The following CADM1 variants were observed in gnomAD, a reference collection of about 807,000 sequenced individuals.
CADM1 encodes the protein cell adhesion molecule 1, also known as TSLC-1.
A neutral mutation model predicts 53.1 loss-of-function variants in CADM1; 15 were observed. That is an observed-to-expected ratio of 0.28 (90% CI 0.19 to 0.44). The LOEUF is 0.44. Ranked by LOEUF, CADM1 falls within the 20% of genes least tolerant of loss-of-function variation. The probability of loss-of-function intolerance (pLI) is 1.00; values close to 1 mark genes in which losing one functional copy is unlikely to be tolerated. For missense variants in CADM1, 434 were observed against 611.3 expected, an observed-to-expected ratio of 0.71 and a Z score of 3.06; for synonymous variants, 281 against 243.0, an observed-to-expected ratio of 1.16 and a Z score of -1.45.
At chr11:115,234,918 AAAAT>A (rs1396869053) in intron 3 of CADM1, among the ~76,000 whole-genome samples, 60 of 151,342 alleles carry the variant, frequency 4.0e-4, no homozygotes, top group African/African-American at 1.3e-3. Flanking sequence ...AAAAAAAAAA[AAAAT>A]TTGCCCAGTG....
At chr11:115,214,416 A>G (rs571819264) in intron 7 of CADM1, 192 bp downstream of exon 7, 2 of 616,062 alleles carry the variant, frequency 3.2e-6, no homozygotes, top group South Asian at 3.8e-5. Context: ...ACCCACCATT[A>G]GAGGGAGAGA....
At chr11:115,250,170 T>C (rs1023182069) in intron 1 of CADM1, among the ~76,000 whole-genome samples, 2 of 152,236 alleles carry the variant, frequency 1.3e-5, no homozygotes, top group African/African-American at 4.8e-5. Context: ...CGCAAAGTGC[T>C]GGGATTACAA....
chr11:115,467,908 G>T (rs566262689), intron 1 of CADM1, among the ~76,000 whole-genome samples: 3 of 152,248 alleles, frequency 2.0e-5, no homozygotes, highest in African/African-American at 7.2e-5. Flanking sequence ...TCATAAAGTT[G>T]TCTAAAGTTT....
chr11:115,350,041 G>A (rs898150641), intron 1 of CADM1, among the ~76,000 whole-genome samples: 1 of 152,042 alleles, frequency 6.6e-6, no homozygotes, highest in African/African-American at 2.4e-5. Context: ...GCATGATCTT[G>A]GCTCACTGCA....
intron 1 of CADM1, among the ~76,000 whole-genome samples, chr11:115,251,148 T>C (rs1343654978): frequency 6.6e-6 from 1 of 152,258 alleles, no homozygotes; most frequent in East Asian, 1.9e-4. Flanking sequence ...AGGAGATGTC[T>C]GTTCTGCCAA....
intron 1 of CADM1, among the ~76,000 whole-genome samples, chr11:115,304,779 TA>T (rs373941053): frequency 1.7e-3 from 252 of 152,048 alleles, no homozygotes; most frequent in African/African-American, 5.8e-3. Flanking sequence ...CAACTCAAAT[TA>T]AAAAAAGGAA....
chr11:115,249,572 A>G (rs1942523439), intron 1 of CADM1, among the ~76,000 whole-genome samples: 1 of 152,228 alleles, frequency 6.6e-6, no homozygotes, highest in Admixed American at 6.5e-5. Context: ...CTGGATTAAA[A>G]CTCAAAACAC....
intron 1 of CADM1, among the ~76,000 whole-genome samples, chr11:115,348,076 A>G (rs1945629977): frequency 6.6e-6 from 1 of 152,200 alleles, no homozygotes; most frequent in Admixed American, 6.5e-5. Flanking sequence ...CCTATTATTA[A>G]GTTCTAAGTA....
At chr11:115,455,563 TTTC>T (rs1948666346) in intron 1 of CADM1, among the ~76,000 whole-genome samples, 2 of 152,140 alleles carry the variant, frequency 1.3e-5, no homozygotes, top group Non-Finnish European at 2.9e-5. Context: ...TAGAGTCAAG[TTTC>T]TTAAGAAATT....
intron 8 of CADM1, 119 bp downstream of exon 8, chr11:115,209,455 C>T: frequency 6.7e-7 from 1 of 1,484,818 alleles, no homozygotes; most frequent in Non-Finnish European, 9.2e-7. Flanking sequence ...GTTGGAGTTC[C>T]AAAATAAAGG....
intron 1 of CADM1, among the ~76,000 whole-genome samples, chr11:115,314,673 C>G (rs1435240118): frequency 6.6e-6 from 1 of 152,148 alleles, no homozygotes; most frequent in Admixed American, 6.6e-5. Context: ...TTTCTGTGCT[C>G]AGACACTCTT....
rs370105733 is a variant in CADM1, at chr11:115,502,507, G to A, written c.124+1764C>T. On this transcript the variant is annotated intron_variant, in intron 1 of 11. Coordinates refer to ENST00000331581, the MANE Select transcript of CADM1 (RefSeq NM_001301043.2). ...TTTTATTGAACCCATCCAGTCAGAG[G>A]CATCACCTGAAATGAAGTTGTAACC... Among the ~76,000 whole-genome samples the A allele has an allele frequency of 3.8e-4, 58 of 151,938 alleles. No individual in the cohort carries two copies. The East Asian group carries it at 9.7e-3, about 25-fold the overall frequency.
intron 1 of CADM1, among the ~76,000 whole-genome samples, chr11:115,264,774 GC>G (rs1943082268): frequency 6.6e-6 from 1 of 152,198 alleles, no homozygotes; most frequent in African/African-American, 2.4e-5. Context: ...CAATGAACGT[GC>G]TGTTTGACAT....
At chr11:115,237,148 C>G (rs1942037657) in intron 3 of CADM1, among the ~76,000 whole-genome samples, 6 of 152,100 alleles carry the variant, frequency 3.9e-5, no homozygotes, top group Admixed American at 3.9e-4. Context: ...CTGATACAAG[C>G]AGACAGACAG....
chr11:115,404,024 A>C (rs1355342665), intron 1 of CADM1, among the ~76,000 whole-genome samples: 2 of 151,508 alleles, frequency 1.3e-5, no homozygotes, highest in Non-Finnish European at 2.9e-5. Context: ...AGATATCCTC[A>C]TAGAAAAAAA....
intron 1 of CADM1, among the ~76,000 whole-genome samples, chr11:115,410,756 TAAAC>T (rs776249607): frequency 9.9e-5 from 15 of 152,242 alleles, no homozygotes; most frequent in African/African-American, 1.4e-4. Flanking sequence ...ACACATTTAA[TAAAC>T]AAACAAACAA....
At chr11:115,248,657 ACTT>A (rs1942489288) in intron 1 of CADM1, among the ~76,000 whole-genome samples, 1 of 151,942 alleles carries the variant, frequency 6.6e-6, no homozygotes, top group South Asian at 2.1e-4. Flanking sequence ...TTTTTCTCTC[ACTT>A]CTTTTCATAG....
At chr11:115,497,015 C>A (rs1453131847) in intron 1 of CADM1, among the ~76,000 whole-genome samples, 2 of 152,140 alleles carry the variant, frequency 1.3e-5, no homozygotes, top group East Asian at 1.9e-4. Flanking sequence ...TGTTTTCAGG[C>A]AGATTCTTCC....
At position 115,209,673 on chromosome 11, in the gene CADM1, A is replaced by C; in HGVS notation, c.995-16T>G. ...GTGGGGGGATCTGGATAGAAAAAAAAAGGAAAATCAAACCCACAATGCTGA... is the reference window on the plus strand; with the variant it reads ...GTGGGGGGATCTGGATAGAAAAAAACAGGAAAATCAAACCCACAATGCTGA... On this transcript the variant is annotated splice_polypyrimidine_tract_variant and intron_variant, in intron 7 of 11. Transcript: ENST00000331581. 6.2e-7 allele frequency: 1 copy of C among 1,612,490 alleles called. No homozygotes were observed. The highest frequency in any genetic ancestry group is 8.5e-7 in the Non-Finnish European group (1 of 1,179,548).
Sources: gnomAD v4.1 joint callset for allele counts (sites outside exome capture counted in the v4.1 genomes callset) on GRCh38, gnomAD v4.1.1 for gene constraint, MANE v1.5 for transcripts, NCBI Gene and HGNC (gene_info 2026-07-23, HGNC 2026-07-21) for gene names.